Variants in GUCY2C observed in about 807,000 individuals in gnomAD.
GUCY2C encodes guanylyl cyclase C.
In GUCY2C, 118 loss-of-function variants were observed where a neutral mutation model predicts 131.1. The ratio of observed to expected loss-of-function variants is 0.90; its 90% CI spans 0.78 to 1.05. The LOEUF (loss-of-function observed/expected upper bound fraction) is 1.05, where lower values mean the gene tolerates loss of function less well. GUCY2C is among the 50% of genes least tolerant of loss of function. The probability of loss-of-function intolerance (pLI) is 0.00; values close to 1 mark genes in which losing one functional copy is unlikely to be tolerated. For missense variants in GUCY2C, 1,161 were observed against 1,304.4 expected, an observed-to-expected ratio of 0.89 and a Z score of 1.69; for synonymous variants, 452 against 457.8, an observed-to-expected ratio of 0.99 and a Z score of 0.16.
At chr12:14,680,917 C>T (rs1032639813) in intron 5 of GUCY2C, among the ~76,000 whole-genome samples, 4 of 152,072 alleles carry the variant, frequency 2.6e-5, no homozygotes, top group African/African-American at 7.2e-5. Context: ...TCTTTGCTTA[C>T]GTTGTAATTT....
rs1376686458 is a variant in GUCY2C, at chr12:14,616,500, A to G, written c.2970+133T>C. The G allele has an allele frequency of 4.9e-5, 32 of 653,974 alleles. No homozygotes were observed. In the South Asian group the frequency reaches 5.8e-4, roughly 12 times the overall value. The allele number at this position is 653,974 out of a possible 1,614,324, so 40.5% of individuals were successfully genotyped here. A position where few individuals can be genotyped will look rare whatever the true frequency, so the allele number is the denominator to read the frequency against. The stretch of plus-strand genomic sequence containing the variant: ...TTTTTGGTGGTCATTTCTCTTGCAG[A>G]GGATGGAGGGTGCTCATCGTGATGA... On this transcript the variant is annotated intron_variant, in intron 25 of 26. Transcript: ENST00000261170.
At chr12:14,682,319 A>G (rs2193182) in intron 4 of GUCY2C, among the ~76,000 whole-genome samples, 150,410 of 152,212 alleles carry the variant, frequency 0.99, 74,329 homozygotes, top group Middle Eastern at 1. Flanking sequence ...TGTTCTCATG[A>G]TAGTGAGTAA....
At chr12:14,643,458 C>T (rs1947450193) in intron 17 of GUCY2C, 116 bp downstream of exon 17, 3 of 845,550 alleles carry the variant, frequency 3.5e-6, no homozygotes, top group East Asian at 4.9e-5. Context: ...CAGCTGTTGT[C>T]TCTTGTGGCT....
chr12:14,669,713 A>G lies in GUCY2C; in HGVS notation c.1282+9T>C, dbSNP rs765283122. The G allele has an allele frequency of 2.9e-6, 4 of 1,361,936 alleles. No homozygotes were observed. The highest frequency in any genetic ancestry group is 1.9e-5 in the Admixed American group (1 of 53,634). 84.4% of individuals were successfully genotyped at this position (1,361,936 alleles called of 1,614,324 possible). ...GTCAGGGAGAGAAAATTCATTAGGG[A>G]TATCTTACCCCGGCCTGTAATATCA... On this transcript the variant is annotated intron_variant, in intron 10 of 26. Transcript: ENST00000261170.
At chr12:14,650,396 C>T (rs1005809797) in intron 15 of GUCY2C, among the ~76,000 whole-genome samples, 8 of 152,140 alleles carry the variant, frequency 5.3e-5, no homozygotes, top group Non-Finnish European at 1.5e-5. Context: ...TACAGGCATG[C>T]ACCACCATGC....
intron 24 of GUCY2C, 57 bp downstream of exon 24, chr12:14,619,154 G>A: frequency 3.2e-6 from 3 of 945,774 alleles, no homozygotes; most frequent in South Asian, 2.7e-5. Context: ...TCTCACAGTT[G>A]CCCTCTGCTG....
chr12:14,669,765 G>C lies in GUCY2C; in HGVS notation c.1239C>G (p.Phe413Leu), dbSNP rs748055433. ...KTYPVDMSPT[F>L]TWKNSKLPND... is the part of the protein sequence containing the mutation. Reference sequence around the variant, plus strand: ...TAGGAAGTTTAGAGTTCTTCCAAGTGAATGTGGGGCTCATATCCACAGGAT... The same window carrying C: ...TAGGAAGTTTAGAGTTCTTCCAAGTCAATGTGGGGCTCATATCCACAGGAT... The change falls in exon 10 of 27, where the codon TTC becomes TTG. Residue 413 changes from phenylalanine (F) to leucine (L), a missense_variant. Coordinates refer to ENST00000261170, the MANE Select transcript of GUCY2C (RefSeq NM_004963.4). The C allele has an allele frequency of 1.0e-5, 16 of 1,605,148 alleles. No individual in the cohort carries two copies. In the East Asian group the frequency reaches 3.4e-4, roughly 34 times the overall value.
chr12:14,663,486 T>C (rs1264090935), intron 10 of GUCY2C, among the ~76,000 whole-genome samples: 1 of 152,212 alleles, frequency 6.6e-6, no homozygotes, highest in Non-Finnish European at 1.5e-5. Context: ...TTTCATCACG[T>C]TGGCCAGGCT....
rs148141648 is a variant in GUCY2C, at chr12:14,641,210, G to C, written c.1940C>G (p.Thr647Arg). 4 of 1,613,392 alleles carry C rather than the reference G, an allele frequency of 2.5e-6. No individual in the cohort carries two copies. Among genetic ancestry groups the C allele is most frequent in the Non-Finnish European group, 3.4e-6 (4 of 1,179,964 alleles). ...SILPPKKDLWTAPEHLRQANI... is the reference protein window; with the variant it reads ...SILPPKKDLWRAPEHLRQANI... Reference sequence around the variant, plus strand: ...GGCTTGGCGGAGGTGCTCTGGAGCTGTCCACAGGTCTGTAAATGTAGACAT... The same window carrying C: ...GGCTTGGCGGAGGTGCTCTGGAGCTCTCCACAGGTCTGTAAATGTAGACAT... Residue 647 changes from threonine (T) to arginine (R), a missense_variant, in exon 18 of 27, where the codon ACA (threonine) becomes AGA (arginine). Coordinates refer to ENST00000261170, the MANE Select transcript of GUCY2C (RefSeq NM_004963.4).
Position 14,625,810 on chromosome 12 carries a change from C to T in GUCY2C, c.2355G>A (p.Leu785=). The T allele has an allele frequency of 6.2e-7, 1 of 1,613,886 alleles. No homozygotes were observed. The highest frequency in any genetic ancestry group is 8.5e-7 in the Non-Finnish European group (1 of 1,179,774). Reference sequence around the variant, plus strand: ...CAGCCCTGTCCCTCTCTGCCTTGTACAGCTGTGTCCTTTCCTCTACCAGAT... The same window carrying T: ...CAGCCCTGTCCCTCTCTGCCTTGTATAGCTGTGTCCTTTCCTCTACCAGAT... ...LEHLVEERTQ[L]YKAERDRADR... Residue 785 remains leucine (L), a synonymous_variant, in exon 21 of 27, where the codon CTG becomes CTA. Transcript: ENST00000261170.
rs375918996 is a variant in GUCY2C, at chr12:14,661,000, C to T, written c.1345G>A (p.Val449Ile). 4.2e-5 allele frequency: 68 copies of T among 1,612,042 alleles called. No individual in the cohort carries two copies. The highest frequency in any genetic ancestry group is 1.7e-4 in the Middle Eastern group (1 of 6,052). Residue 449 changes from valine to isoleucine, a missense_variant, in exon 11 of 27, where the codon GTC becomes ATC. By Grantham distance (29) the Val-to-Ile change is conservative. Transcript: ENST00000261170. ...LTGAVVLLLLVALLMLRKYRK... is the reference protein window; with the variant it reads ...LTGAVVLLLLIALLMLRKYRK... ...CTGTACCTGAGCATCAGGAGAGCGA[C>T]GAGCAGGAGCAGCACCACAGCTCCA... is the stretch of plus-strand genomic sequence containing the variant.
intron 23 of GUCY2C, 149 bp from the exon 24 acceptor site, chr12:14,619,458 T>C: frequency 1.7e-6 from 1 of 576,738 alleles, no homozygotes; most frequent in African/African-American, 1.9e-5. Context: ...CTGGGACTTT[T>C]GGTTTAAATG....
chr12:14,695,950 T>C (rs1005567848), intron 1 of GUCY2C, among the ~76,000 whole-genome samples: 3 of 152,224 alleles, frequency 2.0e-5, no homozygotes, highest in African/African-American at 7.2e-5. Context: ...AGCCACCACA[T>C]CTGGCCTAAA....
intron 1 of GUCY2C, among the ~76,000 whole-genome samples, chr12:14,693,799 C>T (rs943847813): frequency 1.1e-4 from 16 of 152,174 alleles, no homozygotes; most frequent in African/African-American, 3.1e-4. Flanking sequence ...GAGTGAAACT[C>T]GGAGATGATA....
At chr12:14,653,909 T>C (rs890052908) in intron 12 of GUCY2C, among the ~76,000 whole-genome samples, 1 of 152,216 alleles carries the variant, frequency 6.6e-6, no homozygotes, top group Non-Finnish European at 1.5e-5. Flanking sequence ...ACATTAAATG[T>C]CACATAAAAA....
chr12:14,686,335 C>T (rs957919756), intron 2 of GUCY2C, 110 bp from the exon 3 acceptor site: 2 of 735,052 alleles, frequency 2.7e-6, no homozygotes, highest in East Asian at 5.4e-5. Flanking sequence ...TTGGGCCTCC[C>T]AAAATGCTCA....
At chr12:14,684,470 G>C (rs1948417363) in intron 3 of GUCY2C, among the ~76,000 whole-genome samples, 1 of 151,762 alleles carries the variant, frequency 6.6e-6, no homozygotes, top group South Asian at 2.1e-4. Context: ...CTCAAGCAGA[G>C]GTGACCCTTC....
chr12:14,686,433 G>A (rs372680309), intron 2 of GUCY2C, among the ~76,000 whole-genome samples: 139 of 152,276 alleles, frequency 9.1e-4, no homozygotes, highest in Non-Finnish European at 1.6e-3. Context: ...CTACAGGGAG[G>A]AAAGGTATTT....
rs398116138 is a variant in GUCY2C, at chr12:14,628,753, A to AC, written c.2158-17dup. 6.1e-5 allele frequency: 82 copies of AC among 1,354,398 alleles called. No individual in the cohort carries two copies. The highest frequency in any genetic ancestry group is 5.5e-4 in the East Asian group (24 of 43,706). The allele number at this position is 1,354,398 out of a possible 1,614,324, so 83.9% of individuals were successfully genotyped here. Reference sequence around the variant, plus strand: ...GTAGGTACACCTGGAAGAAAAAAAAACGGGCAAATTAGCTAAGGGGATAGT... The same window carrying AC: ...GTAGGTACACCTGGAAGAAAAAAAAACCGGGCAAATTAGCTAAGGGGATAGT... On this transcript the variant is annotated splice_polypyrimidine_tract_variant and intron_variant, in intron 19 of 26. Transcript: ENST00000261170.
Sources: gnomAD v4.1 joint callset for allele counts (sites outside exome capture counted in the v4.1 genomes callset) on GRCh38, gnomAD v4.1.1 for gene constraint, MANE v1.5 for transcripts, NCBI Gene and HGNC (gene_info 2026-07-23, HGNC 2026-07-21) for gene names.